Variants in MLIP observed in about 807,000 individuals in gnomAD.
The protein encoded by MLIP is muscular LMNA-interacting protein.
A neutral mutation model predicts 84.8 loss-of-function variants in MLIP; 79 were observed. That is an observed-to-expected ratio of 0.93 (90% CI 0.78 to 1.12). The LOEUF (loss-of-function observed/expected upper bound fraction) is 1.12, where lower values mean the gene tolerates loss of function less well. MLIP is among the 50% of genes most tolerant of loss of function. MLIP has a pLI of 0.00. For synonymous variants in MLIP, 504 were observed against 463.0 expected, an observed-to-expected ratio of 1.09 and a Z score of -1.14; for missense variants, 1,257 against 1,160.6, an observed-to-expected ratio of 1.08 and a Z score of -1.21.
At chr6:54,097,712 G>A (rs1339032609) in intron 1 of MLIP, among the ~76,000 whole-genome samples, 1 of 152,056 alleles carries the variant, frequency 6.6e-6, no homozygotes, top group African/African-American at 2.4e-5. Flanking sequence ...GTATGTTGAG[G>A]GTTTTCTATG....
intron 3 of MLIP, among the ~76,000 whole-genome samples, chr6:54,128,923 AT>A (rs1316588019): frequency 6.6e-6 from 1 of 151,996 alleles, no homozygotes; most frequent in Non-Finnish European, 1.5e-5. Flanking sequence ...AGATGGCAGC[AT>A]TGTTTTTTTT....
chr6:54,054,272 G>A (rs1206055807), intron 1 of MLIP, among the ~76,000 whole-genome samples: 1 of 152,114 alleles, frequency 6.6e-6, no homozygotes, highest in Non-Finnish European at 1.5e-5. Flanking sequence ...AAGTTCTGCA[G>A]CTATTCTTAG....
At chr6:54,099,952 G>A (rs1191107667) in intron 1 of MLIP, among the ~76,000 whole-genome samples, 2 of 152,096 alleles carry the variant, frequency 1.3e-5, no homozygotes, top group African/African-American at 4.8e-5. Flanking sequence ...TGATTTAAAA[G>A]AAAAGTGCTT....
At chr6:54,189,751 T>G in intron 9 of MLIP, 119 bp from the exon 10 acceptor site, 1 of 728,790 alleles carries the variant, frequency 1.4e-6, no homozygotes, top group Non-Finnish European at 2.3e-6. Flanking sequence ...CTTTTCTTTA[T>G]ACTTTTCAAA....
chr6:54,164,019 G>A (rs1774925586), intron 8 of MLIP, among the ~76,000 whole-genome samples: 1 of 151,926 alleles, frequency 6.6e-6, no homozygotes, highest in African/African-American at 2.4e-5. Context: ...TATTTTGTCA[G>A]CATGATACTT....
At chr6:54,147,348 C>T (rs943939556) in intron 4 of MLIP, among the ~76,000 whole-genome samples, 10 of 152,092 alleles carry the variant, frequency 6.6e-5, no homozygotes, top group East Asian at 3.9e-4. Flanking sequence ...TAAATGTCAA[C>T]GTAGTAATAA....
intron 1 of MLIP, among the ~76,000 whole-genome samples, chr6:54,047,772 C>T (rs1412788102): frequency 6.6e-6 from 1 of 152,204 alleles, no homozygotes; most frequent in African/African-American, 2.4e-5. Context: ...TACTCTGTGA[C>T]AGTTACTGTG....
At chr6:54,167,373 C>G (rs6916745) in intron 8 of MLIP, among the ~76,000 whole-genome samples, 114 of 151,952 alleles carry the variant, frequency 7.5e-4, no homozygotes, top group Middle Eastern at 6.8e-3. Flanking sequence ...TTGGATATGT[C>G]AAGCATGCCC....
At position 54,065,408 on chromosome 6, in the gene MLIP, C is replaced by T. The variant is rs1334434211; in HGVS notation, c.63+46317C>T. Reference sequence around the variant, plus strand: ...TTCAAAAAGGATTTAGAGGCATATTCAAAGATATTACTAAATGTATAAAGG... The same window carrying T: ...TTCAAAAAGGATTTAGAGGCATATTTAAAGATATTACTAAATGTATAAAGG... On this transcript the variant is annotated intron_variant, in intron 1 of 12. Transcript: ENST00000274897. Among the ~76,000 whole-genome samples the T allele has an allele frequency of 2.3e-4, 23 of 100,364 alleles. 5 individuals carry two copies. The Middle Eastern group carries it at 0.02, about 86-fold the overall frequency. 65.8% of individuals were successfully genotyped at this position (100,364 alleles called of 152,430 possible). A position where few individuals can be genotyped will look rare whatever the true frequency, so the allele number is the denominator to read the frequency against.
At chr6:54,201,736 T>C (rs1033931534) in intron 10 of MLIP, among the ~76,000 whole-genome samples, 1 of 152,104 alleles carries the variant, frequency 6.6e-6, no homozygotes, top group African/African-American at 2.4e-5. Context: ...TTGGTGGATA[T>C]ACCAAAGTCA....
intron 11 of MLIP, 78 bp from the exon 12 acceptor site, chr6:54,230,636 T>C: frequency 7.7e-7 from 1 of 1,299,532 alleles, no homozygotes; most frequent in Non-Finnish European, 1.1e-6. Context: ...CTGACCTATG[T>C]CTATCGTAGA....
At chr6:54,211,915 T>C (rs938152096) in intron 11 of MLIP, among the ~76,000 whole-genome samples, 2 of 152,268 alleles carry the variant, frequency 1.3e-5, no homozygotes, top group East Asian at 3.9e-4. Context: ...TCAACCAACA[T>C]TGATTAGGTG....
intron 3 of MLIP, among the ~76,000 whole-genome samples, chr6:54,133,470 T>G (rs115399245): frequency 0.013 from 2,036 of 152,254 alleles, 45 homozygotes; most frequent in African/African-American, 0.047. Flanking sequence ...GCTGTACAGA[T>G]TCAGGAGGAA....
intron 12 of MLIP, among the ~76,000 whole-genome samples, chr6:54,243,697 G>C (rs1000655534): frequency 2.0e-5 from 3 of 152,084 alleles, no homozygotes; most frequent in Non-Finnish European, 4.4e-5. Flanking sequence ...TTTTCTTTGA[G>C]ATATCTCCCT....
chr6:54,070,535 C>T (rs1766422651), intron 1 of MLIP, among the ~76,000 whole-genome samples: 1 of 152,164 alleles, frequency 6.6e-6, no homozygotes, highest in South Asian at 2.1e-4. Flanking sequence ...AAATTTATTA[C>T]ATGCAAAATT....
intron 1 of MLIP, chr6:54,031,409 T>C (rs1764127544): frequency 6.6e-6 from 1 of 152,150 alleles, no homozygotes; most frequent in African/African-American, 2.4e-5. Context: ...GACTGCAGGC[T>C]CCTCAAGGTC....
chr6:54,034,621 C>G (rs1764323095), intron 1 of MLIP, among the ~76,000 whole-genome samples: 1 of 151,894 alleles, frequency 6.6e-6, no homozygotes, highest in Non-Finnish European at 1.5e-5. Context: ...TTTTGTATAG[C>G]TGTACAATGT....
Position 54,160,838 on chromosome 6 carries a change from T to C in MLIP, c.2499+39T>C, listed in dbSNP as rs769332043. 2.6e-6 allele frequency: 4 copies of C among 1,537,418 alleles called. No homozygotes were observed. In the African/African-American group the frequency reaches 4.2e-5, roughly 16 times the overall value. On this transcript the variant is annotated intron_variant, in intron 8 of 13. Coordinates refer to ENST00000502396, the MANE Select transcript of MLIP (RefSeq NM_001281747.2). The stretch of plus-strand genomic sequence containing the variant: ...TAATATAATTTATGGAACCATAAGA[T>C]TTATTAGATCAATGATTTCCAAACT...
chr6:54,205,940 C>T (rs1779007960), intron 11 of MLIP, among the ~76,000 whole-genome samples: 1 of 152,108 alleles, frequency 6.6e-6, no homozygotes, highest in Non-Finnish European at 1.5e-5. Context: ...TGCCATAAAT[C>T]TATGGATTTA....
Sources: gnomAD v4.1 joint callset for allele counts (sites outside exome capture counted in the v4.1 genomes callset) on GRCh38, gnomAD v4.1.1 for gene constraint, MANE v1.5 for transcripts, NCBI Gene and HGNC (gene_info 2026-07-23, HGNC 2026-07-21) for gene names.